PCMTD1: variants seen among roughly 807,000 people sequenced by gnomAD.
The protein encoded by PCMTD1 is protein-L-isoaspartate O-methyltransferase domain-containing protein 1.
Under a neutral mutation model 37.6 loss-of-function variants are expected in PCMTD1, and 12 were observed. That is an observed-to-expected ratio of 0.32 (90% CI 0.20 to 0.52). PCMTD1 has a LOEUF of 0.52. PCMTD1 is among the 20% of genes least tolerant of loss of function. PCMTD1 has a pLI of 0.97. For synonymous variants in PCMTD1, 117 were observed against 135.8 expected (o/e 0.86, Z 0.96); for missense variants, 235 against 421.3 (o/e 0.56, Z 3.87).
Position 51,845,741 on chromosome 8 carries a change from C to T in PCMTD1, c.330G>A (p.Gly110=), listed in dbSNP as rs753976788. ...CCACCACATCTGAATGAAGCTCAAT[C>T]CCATGATTTATTCCAAAAGGACCTG... ...LILGPFGINH[G]IELHSDVVEY... is the part of the protein sequence containing the mutation. The change falls in exon 3 of 6, where the codon GGG becomes GGA. Residue 110 remains glycine, a synonymous_variant. Transcript: ENST00000522514. 1.9e-6 allele frequency: 3 copies of T among 1,612,508 alleles called. No individual in the cohort carries two copies. Among genetic ancestry groups the T allele is most frequent in the East Asian group, 2.2e-5 (1 of 44,814 alleles).
chr8:51,839,707 A>G (rs2038117043), intron 3 of PCMTD1: 2 of 719,904 alleles, frequency 2.8e-6, no homozygotes, highest in Non-Finnish European at 3.4e-6. Flanking sequence ...TTGCACACCT[A>G]GTTTATCACG....
At position 51,861,240 on chromosome 8, in the gene PCMTD1, A is replaced by T. The variant is rs2038465300; in HGVS notation, c.-89T>A. 5.5e-6 allele frequency: 8 copies of T among 1,464,422 alleles called. No homozygotes were observed. Among genetic ancestry groups the T allele is most frequent in the Non-Finnish European group, 7.2e-6 (8 of 1,105,334 alleles). 90.7% of individuals were successfully genotyped at this position (1,464,422 alleles called of 1,614,324 possible). A position where few individuals can be genotyped will look rare whatever the true frequency, so the allele number is the denominator to read the frequency against. ...TATTGCACTTGATTTCCAAAAATAA[A>T]TTAATCCTGGAAGGGAAGAACAAAA... On this transcript the variant is annotated 5_prime_UTR_variant, in exon 2 of 6. Transcript: ENST00000522514.
At chr8:51,825,177 AG>A (rs1013119833) in intron 5 of PCMTD1, among the ~76,000 whole-genome samples, 2 of 152,206 alleles carry the variant, frequency 1.3e-5, no homozygotes, top group African/African-American at 4.8e-5. Flanking sequence ...TGGCAACAAA[AG>A]CCAAAATTGA....
intron 1 of PCMTD1, among the ~76,000 whole-genome samples, chr8:51,881,200 G>A (rs2038786483): frequency 6.6e-6 from 1 of 152,134 alleles, no homozygotes; most frequent in African/African-American, 2.4e-5. Context: ...TCTTCTCCAT[G>A]GACTGTTTTA....
chr8:51,837,636 CT>C (rs1195274848), intron 3 of PCMTD1, among the ~76,000 whole-genome samples: 3 of 152,130 alleles, frequency 2.0e-5, no homozygotes, highest in African/African-American at 7.2e-5. Flanking sequence ...CATATTCTCA[CT>C]TTTTTTCAAT....
At chr8:51,877,972 T>C (rs1026207054) in intron 1 of PCMTD1, among the ~76,000 whole-genome samples, 1 of 152,192 alleles carries the variant, frequency 6.6e-6, no homozygotes, top group Non-Finnish European at 1.5e-5. Context: ...TCTGTGTGTG[T>C]GTAATAAAGC....
At chr8:51,860,699 TG>T in intron 2 of PCMTD1, 145 bp downstream of exon 2, 2 of 666,208 alleles carry the variant, frequency 3.0e-6, no homozygotes, top group Non-Finnish European at 4.9e-6. Flanking sequence ...TACTACTTTG[TG>T]TTTTCACATC....
chr8:51,823,479 A>G (rs2037877650), intron 5 of PCMTD1, among the ~76,000 whole-genome samples: 2 of 152,184 alleles, frequency 1.3e-5, no homozygotes, highest in African/African-American at 4.8e-5. Flanking sequence ...AATTAATAAA[A>G]AAAAGTTCTT....
rs878984257 is a variant in PCMTD1, at chr8:51,819,520, T to TAAAAAAAA, written c.*830_*831insTTTTTTTT. 2.6e-5 allele frequency: 4 copies of TAAAAAAAA among 152,506 alleles called. No homozygotes were observed. The highest frequency in any genetic ancestry group is 4.8e-5 in the African/African-American group (2 of 41,446). 9.4% of individuals were successfully genotyped at this position (152,506 alleles called of 1,614,324 possible). Reference sequence around the variant, plus strand: ...CACATAACAATGGTTTTGCTTTTTTTAAAAAACCAAATACTTTATACAGTG... The same window carrying TAAAAAAAA: ...CACATAACAATGGTTTTGCTTTTTTTAAAAAAAAAAAAAACCAAATACTTTATACAGTG... On this transcript the variant is annotated 3_prime_UTR_variant, in exon 6 of 6. Coordinates refer to ENST00000522514, the MANE Select transcript of PCMTD1 (RefSeq NM_052937.4).
At chr8:51,853,615 T>C (rs1282497598) in intron 2 of PCMTD1, among the ~76,000 whole-genome samples, 1 of 152,184 alleles carries the variant, frequency 6.6e-6, no homozygotes, top group Non-Finnish European at 1.5e-5. Flanking sequence ...TGTACATACA[T>C]AAATATATTA....
intron 2 of PCMTD1, among the ~76,000 whole-genome samples, chr8:51,856,881 G>T (rs1490499707): frequency 6.6e-6 from 1 of 152,240 alleles, no homozygotes; most frequent in Non-Finnish European, 1.5e-5. Flanking sequence ...AACTAGGCAT[G>T]GGGAATAATC....
intron 1 of PCMTD1, among the ~76,000 whole-genome samples, chr8:51,890,272 T>A (rs1036604506): frequency 3.9e-5 from 6 of 152,206 alleles, no homozygotes; most frequent in African/African-American, 1.4e-4. Context: ...TTAAAATAAT[T>A]CTTTCACAAT....
At chr8:51,884,056 T>G (rs1475548662) in intron 1 of PCMTD1, among the ~76,000 whole-genome samples, 1 of 152,190 alleles carries the variant, frequency 6.6e-6, no homozygotes, top group African/African-American at 2.4e-5. Context: ...GAGTTTCTTT[T>G]CAATACATCC....
chr8:51,825,518 C>T lies in PCMTD1; in HGVS notation c.707-4800G>A, dbSNP rs2037909361. 3.8e-5 allele frequency among the ~76,000 whole-genome samples: 2 copies of T among 53,140 alleles called. 1 individual carries two copies. Among genetic ancestry groups the T allele is most frequent in the South Asian group, 2.0e-3 (2 of 990 alleles). The allele number at this position is 53,140 out of a possible 152,430, so 34.9% of individuals were successfully genotyped here. ...GACCATCCTGGCTAACAAGGTGAAA[C>T]CCCGTCTCTACTAAAAATACAAAAA... is the stretch of plus-strand genomic sequence containing the variant. On this transcript the variant is annotated intron_variant, in intron 5 of 5. Transcript: ENST00000522514.
At chr8:51,875,606 T>G (rs146331203) in intron 1 of PCMTD1, among the ~76,000 whole-genome samples, 1 of 152,196 alleles carries the variant, frequency 6.6e-6, no homozygotes, top group Non-Finnish European at 1.5e-5. Context: ...AAAGTGCTCT[T>G]TTCAACATAA....
chr8:51,884,571 A>G (rs552142880), intron 1 of PCMTD1, among the ~76,000 whole-genome samples: 2 of 152,316 alleles, frequency 1.3e-5, no homozygotes, highest in Admixed American at 6.5e-5. Context: ...CTCAATCCCA[A>G]CTGATAGGTA....
intron 1 of PCMTD1, among the ~76,000 whole-genome samples, chr8:51,865,715 C>A (rs1203673361): frequency 6.6e-6 from 1 of 151,818 alleles, no homozygotes; most frequent in African/African-American, 2.4e-5. Flanking sequence ...CCACAACAAA[C>A]ATACTCAATG....
intron 1 of PCMTD1, among the ~76,000 whole-genome samples, chr8:51,886,719 A>G (rs559862479): frequency 3.7e-4 from 57 of 152,352 alleles, no homozygotes; most frequent in Admixed American, 3.3e-3. Flanking sequence ...ATAAGGAATC[A>G]AATGGCCACA....
chr8:51,870,927 G>A (rs2038630935), intron 1 of PCMTD1, among the ~76,000 whole-genome samples: 1 of 151,964 alleles, frequency 6.6e-6, no homozygotes, highest in African/African-American at 2.4e-5. Flanking sequence ...TGCAGCCTCA[G>A]GCAAATTACT....
Sources: allele counts gnomAD v4.1 joint callset (sites outside exome capture counted in the v4.1 genomes callset), GRCh38; gene constraint gnomAD v4.1.1; transcripts MANE v1.5; gene names NCBI Gene and HGNC (gene_info 2026-07-23, HGNC 2026-07-21).